The following NDUFA10 variants were observed in gnomAD, a reference collection of about 807,000 sequenced individuals.
NDUFA10 encodes NADH:ubiquinone oxidoreductase subunit A10.
In NDUFA10, 40 loss-of-function variants were observed where a neutral mutation model predicts 47.8. The ratio of observed to expected loss-of-function variants is 0.84; its 90% CI spans 0.65 to 1.09. NDUFA10 has a LOEUF of 1.09. Among genes scored for constraint, NDUFA10 ranks in the 50% least tolerant of loss-of-function variants. The probability of loss-of-function intolerance (pLI) is 0.00; values close to 1 mark genes in which losing one functional copy is unlikely to be tolerated. For synonymous variants in NDUFA10, 183 were observed against 172.2 expected, an observed-to-expected ratio of 1.06 and a Z score of -0.49; for missense variants, 413 against 451.1, an observed-to-expected ratio of 0.92 and a Z score of 0.76.
At chr2:239,962,378 G>T (rs527529468) in intron 9 of NDUFA10, among the ~76,000 whole-genome samples, 13 of 152,306 alleles carry the variant, frequency 8.5e-5, no homozygotes, top group Admixed American at 2.0e-4. Flanking sequence ...TCACTGAAAT[G>T]TGCCTTGCCT....
rs546833519 is a variant in NDUFA10, at chr2:239,905,829, TGGGAGGGGAGGGGAG to T, written c.295-10530_295-10516del. Among the ~76,000 whole-genome samples the T allele has an allele frequency of 4.8e-4, 16 of 33,548 alleles. No homozygotes were observed. In the East Asian group the frequency reaches 0.014, roughly 29 times the overall value. 22.0% of individuals were successfully genotyped at this position (33,548 alleles called of 152,430 possible). A position where few individuals can be genotyped will look rare whatever the true frequency, so the allele number is the denominator to read the frequency against. ...GGGAGGGGAAGGGAGGGGAGCAGAC[TGGGAGGGGAGGGGAG>T]GGGAGGGGAGGGGAGGGGAGCAGCC... On this transcript the variant is annotated intron_variant, in intron 4 of 5. Coordinates refer to the NDUFA10 transcript ENST00000419408.
At chr2:239,903,752 A>G (rs1693596489) in intron 4 of NDUFA10, among the ~76,000 whole-genome samples, 1 of 152,196 alleles carries the variant, frequency 6.6e-6, no homozygotes, top group South Asian at 2.1e-4. Flanking sequence ...ATATTCTAAA[A>G]GCCAGTTTCT....
chr2:239,995,312 CA>C (rs923500035), intron 8 of NDUFA10, among the ~76,000 whole-genome samples: 52 of 152,190 alleles, frequency 3.4e-4, no homozygotes, highest in African/African-American at 1.3e-3. Flanking sequence ...GCAGCCATGT[CA>C]CAGTGACAGC....
intron 4 of NDUFA10, chr2:240,018,004 T>G: frequency 1.0e-6 from 1 of 989,154 alleles, no homozygotes; most frequent in Admixed American, 2.1e-5. Context: ...CCACCCTGAC[T>G]CCTCAAGGTC....
At chr2:240,009,219 C>A (rs1464333679) in intron 6 of NDUFA10, among the ~76,000 whole-genome samples, 1 of 152,192 alleles carries the variant, frequency 6.6e-6, no homozygotes. Context: ...GCTGGTCACT[C>A]AGTGCTCCTC....
At position 239,995,081 on chromosome 2, in the gene NDUFA10, G is replaced by C. The variant is rs185709989; in HGVS notation, c.891-4899C>G. ...CTTGAGATTAGGAGTTTGTGACTAG[G>C]TGGGCAACATGGCAAAACCCCATTC... On this transcript the variant is annotated intron_variant, in intron 8 of 9. Coordinates refer to ENST00000252711, the MANE Select transcript of NDUFA10 (RefSeq NM_004544.4). Among the ~76,000 whole-genome samples, 122 of 152,192 alleles carry C rather than the reference G, an allele frequency of 8.0e-4. 2 individuals carry two copies. The South Asian group carries it at 0.014, about 18-fold the overall frequency.
intron 4 of NDUFA10, among the ~76,000 whole-genome samples, chr2:239,933,340 G>A (rs1372774820): frequency 6.6e-6 from 1 of 152,106 alleles, no homozygotes; most frequent in African/African-American, 2.4e-5. Context: ...GGAGTTCCCT[G>A]TCTCGCTGTC....
At chr2:240,019,023 C>T (rs1697491929) in intron 3 of NDUFA10, among the ~76,000 whole-genome samples, 1 of 152,148 alleles carries the variant, frequency 6.6e-6, no homozygotes, top group Non-Finnish European at 1.5e-5. Context: ...CACTCCCAGC[C>T]TCACTGGCTG....
At chr2:240,014,608 G>C (rs1697263267) in intron 5 of NDUFA10, 131 bp downstream of exon 5, 1 of 1,412,462 alleles carries the variant, frequency 7.1e-7, no homozygotes, top group South Asian at 1.2e-5. Flanking sequence ...CTCTCAAGTG[G>C]GAACAGGGTG....
chr2:239,950,128 G>A (rs754251846), intron 4 of NDUFA10, among the ~76,000 whole-genome samples: 1 of 152,192 alleles, frequency 6.6e-6, no homozygotes, highest in Non-Finnish European at 1.5e-5. Context: ...TCACGAAGTG[G>A]TGGCAGAGAT....
At chr2:239,997,939 C>T (rs1024765620) in intron 8 of NDUFA10, among the ~76,000 whole-genome samples, 1 of 152,128 alleles carries the variant, frequency 6.6e-6, no homozygotes, top group Non-Finnish European at 1.5e-5. Context: ...GTAAGTGCAG[C>T]ATATATGGGG....
chr2:240,018,675 G>A (rs1299127048), intron 3 of NDUFA10, 36 bp from the exon 4 acceptor site: 2 of 1,606,046 alleles, frequency 1.2e-6, no homozygotes, highest in Non-Finnish European at 1.7e-6. Flanking sequence ...TTGAAAATCA[G>A]ACAGATAGCA....
At chr2:239,924,236 G>A (rs4411727) in intron 4 of NDUFA10, among the ~76,000 whole-genome samples, 104,913 of 151,878 alleles carry the variant, frequency 0.69, 36,809 homozygotes, top group African/African-American at 0.82. Flanking sequence ...CCTGAAAAAG[G>A]AAGCACAAAA....
chr2:239,892,732 T>C (rs931330560), intron 5 of NDUFA10: 3 of 152,294 alleles, frequency 2.0e-5, no homozygotes, highest in Non-Finnish European at 2.9e-5. Flanking sequence ...GGACATGTCC[T>C]TAGTTCCACC....
At chr2:239,988,876 G>A (rs930739529) in intron 9 of NDUFA10, among the ~76,000 whole-genome samples, 1 of 150,988 alleles carries the variant, frequency 6.6e-6, no homozygotes, top group Admixed American at 6.7e-5. Flanking sequence ...ACTCACACAC[G>A]TGTACAAGGA....
At chr2:240,004,857 C>T (rs1369015816) in intron 8 of NDUFA10, among the ~76,000 whole-genome samples, 1 of 152,188 alleles carries the variant, frequency 6.6e-6, no homozygotes, top group Non-Finnish European at 1.5e-5. Flanking sequence ...AGGGTTACTT[C>T]TCTCCCTGGC....
chr2:239,990,993 G>T (rs1240130820), intron 8 of NDUFA10, among the ~76,000 whole-genome samples: 1 of 152,048 alleles, frequency 6.6e-6, no homozygotes, highest in Non-Finnish European at 1.5e-5. Flanking sequence ...TCCCATTACT[G>T]AGTTATAAAA....
At chr2:239,997,789 A>G (rs1326444080) in intron 8 of NDUFA10, among the ~76,000 whole-genome samples, 1 of 152,234 alleles carries the variant, frequency 6.6e-6, no homozygotes, top group Admixed American at 6.5e-5. Flanking sequence ...TTTGAGAGCT[A>G]TATACAGTTT....
At chr2:239,919,795 A>G (rs1693937602) in intron 4 of NDUFA10, among the ~76,000 whole-genome samples, 1 of 152,148 alleles carries the variant, frequency 6.6e-6, no homozygotes, top group Admixed American at 6.5e-5. Context: ...TTCCCTGAAC[A>G]CATCTTCCAT....
Sources: gnomAD v4.1 joint callset for allele counts (sites outside exome capture counted in the v4.1 genomes callset) on GRCh38, gnomAD v4.1.1 for gene constraint, MANE v1.5 for transcripts, NCBI Gene and HGNC (gene_info 2026-07-23, HGNC 2026-07-21) for gene names.